The following CUL3 variants were observed in gnomAD, a reference collection of about 807,000 sequenced individuals.
CUL3 encodes the protein cullin-3.
A neutral mutation model predicts 89.1 loss-of-function variants in CUL3; 19 were observed. The observed-to-expected ratio is 0.21, with a 90% CI of 0.15 to 0.31. CUL3 has a LOEUF of 0.31. Among genes scored for constraint, CUL3 ranks in the 10% least tolerant of loss-of-function variants. The pLI is 1.00. For missense variants in CUL3, 469 were observed against 942.3 expected (o/e 0.50, Z 6.58); for synonymous variants, 351 against 308.4 (o/e 1.14, Z -1.45).
At chr2:224,532,379 T>A in intron 3 of CUL3, among the ~76,000 whole-genome samples, 1 of 150,868 alleles carries the variant, frequency 6.6e-6, no homozygotes, top group East Asian at 1.9e-4. Context: ...GTAGGAGGCA[T>A]ACAAAGAGAG....
Position 224,503,013 on chromosome 2 carries a change from GA to G in CUL3, c.1436del (p.Ile479ThrfsTer20). 6.2e-7 allele frequency: 1 copy of G among 1,614,016 alleles called. No individual in the cohort carries two copies. Among genetic ancestry groups the G allele is most frequent in the Non-Finnish European group, 8.5e-7 (1 of 1,179,904 alleles). On this transcript the variant is annotated frameshift_variant, in exon 10 of 16. Coordinates refer to ENST00000264414, the MANE Select transcript of CUL3 (RefSeq NM_003590.5). LOFTEE classifies it high-confidence loss of function. The part of the protein sequence containing the change: ...KLEGMFRDMS[I>X]SNTTMDEFRQ... ...TGAATTCATCCATCGTTGTGTTTGAGATGCTCATATCCCTAAACATTCCTTC... is the reference window on the plus strand; with the variant it reads ...TGAATTCATCCATCGTTGTGTTTGAGTGCTCATATCCCTAAACATTCCTTC...
rs972160411 is a variant in CUL3 at position 224,583,948 on chromosome 2, T to C, written c.66+996A>G. Among the ~76,000 whole-genome samples, 82 of 152,352 alleles carry C rather than the reference T, an allele frequency of 5.4e-4. 2 individuals carry two copies. The highest frequency in any genetic ancestry group is 1.9e-3 in the African/African-American group (81 of 41,580). On this transcript the variant is annotated intron_variant, in intron 1 of 15. Transcript: ENST00000264414. ...CTTTCTCTAATTTTACTTTTTAAAA[T>C]CTTCTGTCCGATTGCTAGTTCGTCT...
intron 3 of CUL3, among the ~76,000 whole-genome samples, chr2:224,529,753 C>A (rs1204598291): frequency 6.6e-6 from 1 of 152,168 alleles, no homozygotes; most frequent in Non-Finnish European, 1.5e-5. Context: ...CTAGAGGCCA[C>A]ATGTTCCATC....
intron 1 of CUL3, among the ~76,000 whole-genome samples, chr2:224,564,253 A>G (rs766486598): frequency 4.6e-5 from 7 of 152,242 alleles, no homozygotes; most frequent in Non-Finnish European, 8.8e-5. Context: ...ACTGTACTCC[A>G]GCCTGGGCAA....
intron 2 of CUL3, chr2:224,556,323 C>G (rs1349550610): frequency 3.9e-5 from 6 of 151,954 alleles, no homozygotes; most frequent in African/African-American, 1.2e-4. Context: ...TGGCGGACAC[C>G]AATGATCAAA....
intron 1 of CUL3, among the ~76,000 whole-genome samples, chr2:224,581,807 C>A (rs1247690522): frequency 6.6e-6 from 1 of 151,882 alleles, no homozygotes; most frequent in Non-Finnish European, 1.5e-5. Flanking sequence ...GTGTGAATCA[C>A]CTTGCCCGGC....
At chr2:224,484,286 G>A (rs1413623656) in intron 13 of CUL3, among the ~76,000 whole-genome samples, 2 of 151,864 alleles carry the variant, frequency 1.3e-5, no homozygotes, top group Non-Finnish European at 2.9e-5. Flanking sequence ...CCTCTTCAAC[G>A]CCAGATTTTC....
At chr2:224,506,216 AC>A (rs1263314303) in intron 7 of CUL3, 84 bp from the exon 8 acceptor site, 2 of 916,786 alleles carry the variant, frequency 2.2e-6, no homozygotes, top group African/African-American at 3.4e-5. Context: ...GTTTATCTTA[AC>A]TTTGCTGGTA....
intron 2 of CUL3, among the ~76,000 whole-genome samples, chr2:224,538,790 T>C (rs1271294997): frequency 1.3e-5 from 2 of 152,208 alleles, no homozygotes; most frequent in Admixed American, 1.3e-4. Context: ...TGCCTGGTAC[T>C]AGCTTTGCAA....
intron 14 of CUL3, among the ~76,000 whole-genome samples, 161 bp downstream of exon 14, chr2:224,481,731 T>G (rs1263621023): frequency 6.6e-6 from 1 of 152,160 alleles, no homozygotes; most frequent in East Asian, 1.9e-4. Flanking sequence ...AAATGCATTT[T>G]GATACAAATA....
intron 3 of CUL3, among the ~76,000 whole-genome samples, chr2:224,516,897 G>T (rs1379745924): frequency 6.6e-6 from 1 of 151,930 alleles, no homozygotes; most frequent in Non-Finnish European, 1.5e-5. Flanking sequence ...CACCCACCTC[G>T]GCCTCCCAAA....
At position 224,556,162 on chromosome 2, in the gene CUL3, A is replaced by T. The variant is rs189675354; in HGVS notation, c.264+1497T>A. ...TTACTGTTCTGGAACCACCATAGTA[A>T]TAATGATTCATGCAAGAATCATCAA... On this transcript the variant is annotated intron_variant, in intron 2 of 15. Transcript: ENST00000264414. 8.5e-5 allele frequency: 13 copies of T among 152,304 alleles called. No homozygotes were observed. The East Asian group carries it at 2.3e-3, about 27-fold the overall frequency. 9.4% of individuals were successfully genotyped at this position (152,304 alleles called of 1,614,324 possible). A position where few individuals can be genotyped will look rare whatever the true frequency, so the allele number is the denominator to read the frequency against.
At chr2:224,542,449 C>T (rs567326455) in intron 2 of CUL3, among the ~76,000 whole-genome samples, 8 of 152,150 alleles carry the variant, frequency 5.3e-5, no homozygotes, top group South Asian at 2.1e-4. Context: ...CCTGAGCCTC[C>T]CAAGTAGCTA....
At chr2:224,505,138 G>GTTTT (rs11428046) in intron 8 of CUL3, among the ~76,000 whole-genome samples, 3 of 137,722 alleles carry the variant, frequency 2.2e-5, no homozygotes, top group African/African-American at 2.7e-5. Context: ...TAGTTGTTCA[G>GTTTT]TTTTTTTTTT....
intron 13 of CUL3, among the ~76,000 whole-genome samples, chr2:224,493,934 T>C (rs927527179): frequency 2.0e-5 from 3 of 152,116 alleles, no homozygotes; most frequent in African/African-American, 4.8e-5. Flanking sequence ...ATATAACTCA[T>C]GCTTGAAAAT....
At chr2:224,507,425 T>C (rs1394978553) in intron 6 of CUL3, among the ~76,000 whole-genome samples, 1 of 152,166 alleles carries the variant, frequency 6.6e-6, no homozygotes, top group Non-Finnish European at 1.5e-5. Context: ...AAGAGGTAAT[T>C]GGTAGTCCCT....
chr2:224,560,511 T>G (rs920204500), intron 1 of CUL3: 4 of 153,086 alleles, frequency 2.6e-5, no homozygotes, highest in Non-Finnish European at 5.9e-5. Flanking sequence ...GCTGAACAAA[T>G]GTCCACTCCA....
chr2:224,552,027 A>ATAC (rs1694533690), intron 2 of CUL3, among the ~76,000 whole-genome samples: 1 of 152,176 alleles, frequency 6.6e-6, no homozygotes, highest in Non-Finnish European at 1.5e-5. Flanking sequence ...TATCTGTTTC[A>ATAC]TAAGTGCAGG....
intron 2 of CUL3, among the ~76,000 whole-genome samples, chr2:224,537,280 C>T (rs1440000317): frequency 6.6e-6 from 1 of 152,092 alleles, no homozygotes; most frequent in Non-Finnish European, 1.5e-5. Flanking sequence ...TCTTTTCCTA[C>T]ATATTGGGGA....
Sources: gnomAD v4.1 joint callset for allele counts (sites outside exome capture counted in the v4.1 genomes callset) on GRCh38, gnomAD v4.1.1 for gene constraint, MANE v1.5 for transcripts, NCBI Gene and HGNC (gene_info 2026-07-23, HGNC 2026-07-21) for gene names.